Variants in FCRLB observed in about 807,000 individuals in gnomAD.
FCRLB encodes Fc receptor like B, also known as Fc receptor-like B.
Under a neutral mutation model 33.6 loss-of-function variants are expected in FCRLB, and 34 were observed. The ratio of observed to expected loss-of-function variants is 1.01; its 90% confidence interval spans 0.77 to 1.35. The LOEUF (loss-of-function observed/expected upper bound fraction) is 1.35. Among genes scored for constraint, FCRLB ranks in the 40% most tolerant of loss-of-function variants. The probability of loss-of-function intolerance (pLI) is 0.00; values close to 1 mark genes in which losing one functional copy is unlikely to be tolerated. For missense variants in FCRLB, 560 were observed against 580.2 expected, an observed-to-expected ratio of 0.97 and a Z score of 0.36; for synonymous variants, 280 against 255.9, an observed-to-expected ratio of 1.09 and a Z score of -0.90.
Position 161,722,986 on chromosome 1 carries a change from C to T in FCRLB, c.32-3C>T, listed in dbSNP as rs201033131. ...TTCCTCTTCCTTCTTTCCTGTTCTGCAGTTCCAAGCAGTGGGCAAGCTGGT... is the reference window on the plus strand; with the variant it reads ...TTCCTCTTCCTTCTTTCCTGTTCTGTAGTTCCAAGCAGTGGGCAAGCTGGT... On this transcript the variant is annotated splice_polypyrimidine_tract_variant and splice_region_variant and intron_variant, in intron 3 of 7. Coordinates refer to ENST00000367948, the Ensembl canonical transcript of FCRLB. 1 of 1,613,802 alleles carries T rather than the reference C, an allele frequency of 6.2e-7. No homozygotes were observed. The highest frequency in any genetic ancestry group is 2.2e-5 in the East Asian group (1 of 44,880).
chr1:161,725,788 T>C, intron 5 of FCRLB, 33 bp from the exon 6 acceptor site: 1 of 1,564,302 alleles, frequency 6.4e-7, no homozygotes, highest in South Asian at 1.2e-5. Context: ...GGACTTTCTG[T>C]GGAGTCAAGC....
intron 4 of FCRLB, 100 bp downstream of exon 4, chr1:161,723,109 G>T: frequency 1.4e-6 from 2 of 1,458,432 alleles, no homozygotes; most frequent in Non-Finnish European, 1.9e-6. Context: ...GCTGCGCTGG[G>T]ATAGTGTCTC....
chr1:161,726,924 T>G lies in FCRLB; in HGVS notation c.796T>G (p.Trp266Gly). 1 of 1,568,080 alleles carries G rather than the reference T, an allele frequency of 6.4e-7. No homozygotes were observed. The highest frequency in any genetic ancestry group is 1.2e-5 in the South Asian group (1 of 85,930). The change falls in exon 7 of 8, where the codon TGG becomes GGG. Residue 266 changes from tryptophan to glycine, a missense_variant. Physicochemically the swap from Trp to Gly is radical, Grantham distance 184. Coordinates refer to ENST00000367948, the Ensembl canonical transcript of FCRLB. This position sits in a 1 kb window ranked among gnomAD's most constrained non-coding sequence, Gnocchi z 5.2. ...CGAGGTCGAGGAGCTCGAATCGTAC[T>G]GGTGCGAGGCGGCTACCGCCACCCG...
chr1:161,726,776 G>T lies in FCRLB; in HGVS notation c.648G>T (p.Val216=). 5 of 1,576,300 alleles carry T rather than the reference G, an allele frequency of 3.2e-6. No homozygotes were observed. Among genetic ancestry groups the T allele is most frequent in the Non-Finnish European group, 4.3e-6 (5 of 1,164,394 alleles). The change falls in exon 7 of 8, where the codon GTG becomes GTT. Residue 216 remains valine (V), a synonymous_variant. Coordinates refer to ENST00000367948, the Ensembl canonical transcript of FCRLB. The surrounding 1 kb of genome is among the most constrained non-coding windows in gnomAD (Gnocchi z 5.2). ...GCGGCGCGGCGCTGGGTGGGGTGGT[G>T]CTGCGCTGCGACACGCGCCTGCACC...
chr1:161,726,771 G>A lies in FCRLB; in HGVS notation c.643G>A (p.Val215Met), dbSNP rs1379105882. The A allele has an allele frequency of 1.3e-6, 2 of 1,580,562 alleles. No individual in the cohort carries two copies. Among genetic ancestry groups the A allele is most frequent in the Non-Finnish European group, 8.6e-7 (1 of 1,166,640 alleles). The change falls in exon 7 of 8, where the codon GTG becomes ATG. Residue 215 changes from valine (V) to methionine (M), a missense_variant. Physicochemically the swap from Val to Met is conservative, Grantham distance 21. Transcript: ENST00000367948. The surrounding 1 kb of genome is among the most constrained non-coding windows in gnomAD (Gnocchi z 5.2). ...GGCCCGCGGCGCGGCGCTGGGTGGG[G>A]TGGTGCTGCGCTGCGACACGCGCCT...
chr1:161,723,069 G>A (rs1683425223), intron 4 of FCRLB, 60 bp downstream of exon 4: 7 of 1,600,358 alleles, frequency 4.4e-6, no homozygotes, highest in Non-Finnish European at 5.1e-6. Flanking sequence ...CCCCCTAAGT[G>A]ACCTTTTCAA....
At chr1:161,725,995 G>C (rs777533501) in exon 6 of FCRLB, 3 of 1,614,190 alleles carry the variant, frequency 1.9e-6, no homozygotes, top group Non-Finnish European at 2.5e-6. Flanking sequence ...GCGCGTGCCA[G>C]CGACAGCGGG....
At position 161,726,872 on chromosome 1, in the gene FCRLB, G is replaced by T; in HGVS notation, c.744G>T (p.Trp248Cys). Residue 248 changes from tryptophan to cysteine, a missense_variant, in exon 7 of 8, where the codon TGG becomes TGT. Trp to Cys is a radical substitution (Grantham distance 215). Coordinates refer to ENST00000367948, the Ensembl canonical transcript of FCRLB. This position sits in a 1 kb window ranked among gnomAD's most constrained non-coding sequence, Gnocchi z 5.2. ...GCCGCGCGGTGCGCCGCTTCGACTG[G>T]GGCGCCGAGTACACAGTCCCGGAGC... 1 of 1,581,846 alleles carries T rather than the reference G, an allele frequency of 6.3e-7. No individual in the cohort carries two copies.
exon 5 of FCRLB, chr1:161,723,460 C>T (rs1468491932): frequency 6.2e-7 from 1 of 1,614,054 alleles, no homozygotes; most frequent in African/African-American, 1.3e-5. Flanking sequence ...GGATACCACC[C>T]ACTGCTCCTG....
intron 7 of FCRLB, 90 bp from the exon 8 acceptor site, chr1:161,727,157 A>AACCCCCC: frequency 1.0e-6 from 1 of 1,002,428 alleles, no homozygotes; most frequent in Non-Finnish European, 1.3e-6. Flanking sequence ...GGCCTTCCCC[A>AACCCCCC]TCCCCGCCCA....
exon 8 of FCRLB, chr1:161,727,497 C>T: frequency 1.2e-6 from 2 of 1,614,186 alleles, no homozygotes; most frequent in South Asian, 1.1e-5. Flanking sequence ...CCGACGTGGA[C>T]CTTCTGCTCC....
intron 5 of FCRLB, among the ~76,000 whole-genome samples, chr1:161,725,510 C>T (rs987834249): frequency 4.6e-5 from 7 of 152,000 alleles, no homozygotes; most frequent in Non-Finnish European, 1.0e-4. Flanking sequence ...GGTGTGATGG[C>T]GCCCACCGGT....
In FCRLB at chr1:161,726,985, CG is replaced by C; in HGVS notation, c.861del (p.Pro288ArgfsTer80). The C allele has an allele frequency of 6.6e-7, 1 of 1,522,150 alleles. No homozygotes were observed. 94.3% of individuals were successfully genotyped at this position (1,522,150 alleles called of 1,614,324 possible). On this transcript the variant is annotated frameshift_variant, in exon 7 of 8. Transcript: ENST00000367948. LOFTEE classifies it low-confidence loss of function (END_TRUNC). The surrounding 1 kb of genome is among the most constrained non-coding windows in gnomAD (Gnocchi z 5.2). The stretch of plus-strand genomic sequence containing the variant: ...AAACGCAGTCCGTGGCTGCAGCTCC[CG>C]GGGCCGGGTGAGTGCCTGCACACCC...
chr1:161,724,419 C>T (rs1683474055), intron 5 of FCRLB, among the ~76,000 whole-genome samples: 1 of 112,586 alleles, frequency 8.9e-6, no homozygotes, highest in South Asian at 3.1e-4. Context: ...GTGAAACACT[C>T]TCTACTAAAA....
At position 161,727,080 on chromosome 1, in the gene FCRLB, C is replaced by A. The variant is rs1420995794; in HGVS notation, c.865+87C>A. The A allele has an allele frequency of 9.4e-5, 125 of 1,324,888 alleles. No individual in the cohort carries two copies. The East Asian group carries it at 2.6e-3, about 28-fold the overall frequency. 82.1% of individuals were successfully genotyped at this position (1,324,888 alleles called of 1,614,324 possible). A position where few individuals can be genotyped will look rare whatever the true frequency, so the allele number is the denominator to read the frequency against. ...GGCACCCACGAATCACCCCCGCCCC[C>A]TGGTTCCCGTCCCGCCCCCCGCCTT... is the stretch of plus-strand genomic sequence containing the variant. On this transcript the variant is annotated intron_variant, in intron 7 of 7. Transcript: ENST00000367948.
At chr1:161,724,094 T>C (rs1436835461) in intron 5 of FCRLB, among the ~76,000 whole-genome samples, 1 of 152,112 alleles carries the variant, frequency 6.6e-6, no homozygotes, top group African/African-American at 2.4e-5. Context: ...ACAATAATAG[T>C]ATGTATCTCT....
chr1:161,726,742 G>A lies in FCRLB; in HGVS notation c.614G>A (p.Arg205Gln), dbSNP rs766436001. The stretch of plus-strand genomic sequence containing the variant: ...CCGGTGCTGAGGGTGATGGGTCCGC[G>A]GGAGGCCCGCGGCGCGGCGCTGGGT... The change falls in exon 7 of 8, where the codon CGG becomes CAG. Residue 205 changes from arginine (R) to glutamine (Q), a missense_variant. By Grantham distance (43) the Arg-to-Gln change is conservative. Coordinates refer to ENST00000367948, the Ensembl canonical transcript of FCRLB. The surrounding 1 kb of genome is among the most constrained non-coding windows in gnomAD (Gnocchi z 5.2). 6.3e-7 allele frequency: 1 copy of A among 1,594,370 alleles called. No homozygotes were observed. Among genetic ancestry groups the A allele is most frequent in the African/African-American group, 1.3e-5 (1 of 74,744 alleles).
At chr1:161,725,096 G>A (rs12728899) in intron 5 of FCRLB, among the ~76,000 whole-genome samples, 10,104 of 152,252 alleles carry the variant, frequency 0.066, 445 homozygotes, top group East Asian at 0.11. Context: ...AAATGGGGCA[G>A]GAATGAATAC....
chr1:161,723,066 A>G, intron 4 of FCRLB, 57 bp downstream of exon 4: 1 of 1,603,534 alleles, frequency 6.2e-7, no homozygotes, highest in East Asian at 2.2e-5. Context: ...CAACCCCCTA[A>G]GTGACCTTTT....
Sources: allele counts gnomAD v4.1 joint callset (sites outside exome capture counted in the v4.1 genomes callset), GRCh38; gene constraint gnomAD v4.1.1; non-coding constraint Gnocchi (gnomAD v3.1); transcripts MANE v1.5; gene names NCBI Gene and HGNC (gene_info 2026-07-23, HGNC 2026-07-21).